The following SLC27A3 variants were observed in gnomAD, a reference collection of about 807,000 sequenced individuals.
SLC27A3 encodes long-chain fatty acid transport protein 3.
Under a neutral mutation model 60.1 loss-of-function variants are expected in SLC27A3, and 60 were observed. That is an observed-to-expected ratio of 1.00 (90% CI 0.81 to 1.24). The LOEUF (loss-of-function observed/expected upper bound fraction) is 1.24. Among genes scored for constraint, SLC27A3 ranks in the 50% most tolerant of loss-of-function variants. The pLI, the probability that SLC27A3 is intolerant of heterozygous loss-of-function variation, is 0.00. For synonymous variants in SLC27A3, 455 were observed against 409.0 expected (o/e 1.11, Z -1.36); for missense variants, 1,079 against 929.9 (o/e 1.16, Z -2.09).
At chr1:153,779,044 C>T (rs1673385823) in intron 7 of SLC27A3, 70 bp from the exon 8 acceptor site, 4 of 1,528,734 alleles carry the variant, frequency 2.6e-6, no homozygotes, top group Non-Finnish European at 2.7e-6. Flanking sequence ...GACCTCTGAC[C>T]TCATCTCCCC....
chr1:153,778,447 G>C lies in SLC27A3; in HGVS notation c.1357-16G>C, dbSNP rs1341798698. ...GTGACTGCAATGATCCAGTACCCAGGTCTCCCTTTCCCCAGCATATCTTCC... is the reference window on the plus strand; with the variant it reads ...GTGACTGCAATGATCCAGTACCCAGCTCTCCCTTTCCCCAGCATATCTTCC... On this transcript the variant is annotated splice_polypyrimidine_tract_variant and intron_variant, in intron 5 of 9. Transcript: ENST00000624995. 6.2e-7 allele frequency: 1 copy of C among 1,613,940 alleles called. No homozygotes were observed. The highest frequency in any genetic ancestry group is 8.5e-7 in the Non-Finnish European group (1 of 1,179,802).
chr1:153,778,356 G>T lies in SLC27A3; in HGVS notation c.1356+1G>T, dbSNP rs765174664. The T allele has an allele frequency of 2.5e-6, 4 of 1,613,814 alleles. No individual in the cohort carries two copies. Among genetic ancestry groups the T allele is most frequent in the Non-Finnish European group, 3.4e-6 (4 of 1,179,884 alleles). On this transcript the variant is annotated splice_donor_variant, in intron 5 of 9. Transcript: ENST00000624995. LOFTEE classifies it high-confidence loss of function. ...GGGGCGTGCTTCCTGGCTTTACAAG[G>T]TGAGGGGCAGAGAGGAAACTGAAAA...
At chr1:153,779,716 C>T in intron 9 of SLC27A3, 110 bp from the exon 10 acceptor site, 1 of 1,122,604 alleles carries the variant, frequency 8.9e-7, no homozygotes, top group Non-Finnish European at 1.3e-6. Flanking sequence ...TAAACCTTGA[C>T]CTCACACTCC....
At position 153,775,642 on chromosome 1, in the gene SLC27A3, C is replaced by T. The variant is rs777978409; in HGVS notation, c.145C>T (p.Arg49Cys). The T allele has an allele frequency of 7.8e-6, 12 of 1,535,236 alleles. No homozygotes were observed. Among genetic ancestry groups the T allele is most frequent in the African/African-American group, 1.4e-5 (1 of 73,358 alleles). ...ALCCKRALRARALAAAAADPE... is the reference protein window; with the variant it reads ...ALCCKRALRACALAAAAADPE... ...GTGCTGCAAAAGGGCTCTTCGAGCT[C>T]GCGCCCTGGCCGCGGCTGCCGCCGA... Residue 49 changes from arginine to cysteine, a missense_variant, in exon 1 of 10, where the codon CGC becomes TGC. Transcript: ENST00000624995.
Position 153,775,596 on chromosome 1 carries a change from G to C in SLC27A3, c.99G>C (p.Leu33Phe). The C allele has an allele frequency of 6.2e-7, 1 of 1,600,680 alleles. No homozygotes were observed. Among genetic ancestry groups the C allele is most frequent in the Non-Finnish European group, 8.5e-7 (1 of 1,176,092 alleles). Residue 33 changes from leucine (L) to phenylalanine (F), a missense_variant, in exon 1 of 10, where the codon TTG (leucine) becomes TTC (phenylalanine). Coordinates refer to ENST00000624995, the MANE Select transcript of SLC27A3 (RefSeq NM_024330.4). ...WPQLRWLPAD[L>F]AFAVRALCCK... is the part of the protein sequence containing the mutation. ...AGTTGCGCTGGCTTCCGGCGGACTT[G>C]GCCTTTGCGGTGCGAGCTCTGTGCT...
rs368152544 is a variant in SLC27A3 at position 153,776,879 on chromosome 1, C to A, written c.877+152C>A. 64 of 924,104 alleles carry A rather than the reference C, an allele frequency of 6.9e-5. No individual in the cohort carries two copies. In the African/African-American group the frequency reaches 8.9e-4, roughly 13 times the overall value. 57.2% of individuals were successfully genotyped at this position (924,104 alleles called of 1,614,324 possible). On this transcript the variant is annotated intron_variant, in intron 2 of 9. Transcript: ENST00000624995. ...CCATCATTTCACTCCCCAGTCTCCT[C>A]ACCTCCTACTCATTTCTCCACCTCC...
Position 153,776,052 on chromosome 1 carries a change from C to T in SLC27A3, c.555C>T (p.Phe185=), listed in dbSNP as rs564955747. 3.4e-5 allele frequency: 50 copies of T among 1,462,530 alleles called. No individual in the cohort carries two copies. The African/African-American group carries it at 5.9e-4, about 17-fold the overall frequency. The allele number at this position is 1,462,530 out of a possible 1,614,324, so 90.6% of individuals were successfully genotyped here. The change falls in exon 1 of 10, where the codon TTC becomes TTT. Residue 185 remains phenylalanine, a synonymous_variant. Transcript: ENST00000624995. ...PAGPEFLWLW[F]GLAKAGLRTA... ...GCCCAGAGTTTCTGTGGCTCTGGTT[C>T]GGGCTGGCCAAGGCCGGCCTGCGCA...
chr1:153,778,236 G>A lies in SLC27A3; in HGVS notation c.1237G>A (p.Val413Met). The change falls in exon 5 of 10, where the codon GTG becomes ATG. Residue 413 changes from valine (V) to methionine (M), a missense_variant. Val to Met is a conservative substitution (Grantham distance 21). Transcript: ENST00000624995. ...GCGCCCAGATACCTGGGAGCGTTTT[G>A]TGCGGCGCTTCGGGCCCCTGCAGGT... ...GLRPDTWERF[V>M]RRFGPLQVLE... 6.2e-7 allele frequency: 1 copy of A among 1,613,966 alleles called. No individual in the cohort carries two copies.
At position 153,776,659 on chromosome 1, in the gene SLC27A3, C is replaced by T. The variant is rs753338879; in HGVS notation, c.809C>T (p.Pro270Leu). Residue 270 changes from proline (P) to leucine (L), a missense_variant, in exon 2 of 10, where the codon CCA (proline) becomes CTA (leucine). Transcript: ENST00000624995. The stretch of plus-strand genomic sequence containing the variant: ...TCCGCTGAAGTGGATGGGCCAGTGC[C>T]AGGATACCTCTCTTCCCCCCAGAGC... ...EVSAEVDGPVPGYLSSPQSIT... is the reference protein window; with the variant it reads ...EVSAEVDGPVLGYLSSPQSIT... The T allele has an allele frequency of 5.6e-6, 9 of 1,614,194 alleles. No homozygotes were observed. The highest frequency in any genetic ancestry group is 7.6e-6 in the Non-Finnish European group (9 of 1,180,032).
chr1:153,777,051 C>T lies in SLC27A3; in HGVS notation c.878-11C>T. The T allele has an allele frequency of 6.2e-7, 1 of 1,613,870 alleles. No individual in the cohort carries two copies. The highest frequency in any genetic ancestry group is 8.5e-7 in the Non-Finnish European group (1 of 1,179,806). On this transcript the variant is annotated splice_polypyrimidine_tract_variant and intron_variant, in intron 2 of 9. Transcript: ENST00000624995. The stretch of plus-strand genomic sequence containing the variant: ...CCTTCCCCTGATCGTCCCATAACTG[C>T]CACCCCACAGGCCTCCCCAAGGCTG...
Position 153,776,163 on chromosome 1 carries a change from A to C in SLC27A3, c.666A>C (p.Pro222=). The C allele has an allele frequency of 7.1e-7, 1 of 1,417,338 alleles. No individual in the cohort carries two copies. The allele number at this position is 1,417,338 out of a possible 1,614,324, so 87.8% of individuals were successfully genotyped here. The stretch of plus-strand genomic sequence containing the variant: ...GCGCGCGCGCGCTGGTGCTGGCGCC[A>C]GGTAAGGCTGGAGCTCCGAACTGAC... ...SCGARALVLA[P]EFLESLEPDL... Residue 222 remains proline (P), a splice_region_variant and synonymous_variant, in exon 1 of 10, where the codon CCA becomes CCC. Coordinates refer to ENST00000624995, the MANE Select transcript of SLC27A3 (RefSeq NM_024330.4).
intron 3 of SLC27A3, 133 bp from the exon 4 acceptor site, chr1:153,777,628 C>A (rs909720260): frequency 1.7e-6 from 2 of 1,164,578 alleles, no homozygotes; most frequent in African/African-American, 3.1e-5. Context: ...GGCTTCCTGA[C>A]GGTGTGACTC....
chr1:153,776,373 T>A, intron 1 of SLC27A3, 145 bp from the exon 2 acceptor site: 2 of 1,315,682 alleles, frequency 1.5e-6, no homozygotes, highest in Non-Finnish European at 2.1e-6. Context: ...AGGAGTCGAG[T>A]TCCAGGCCTC....
rs1482087212 is a variant in SLC27A3, at chr1:153,776,531, C to A, written c.681C>A (p.Ser227=). ...CCACCCTTCTAGAGTTTCTGGAGTC[C>A]CTGGAGCCGGACCTGCCCGCCCTGA... is the stretch of plus-strand genomic sequence containing the variant. ...ALVLAPEFLE[S]LEPDLPALRA... The change falls in exon 2 of 10, where the codon TCC becomes TCA. Residue 227 remains serine, a synonymous_variant. Coordinates refer to ENST00000624995, the MANE Select transcript of SLC27A3 (RefSeq NM_024330.4). The A allele has an allele frequency of 6.2e-7, 1 of 1,613,872 alleles. No homozygotes were observed. Among genetic ancestry groups the A allele is most frequent in the East Asian group, 2.2e-5 (1 of 44,880 alleles).
At position 153,779,981 on chromosome 1, in the gene SLC27A3, G is replaced by T; in HGVS notation, c.2031G>T (p.Leu677=). 6.2e-7 allele frequency: 1 copy of T among 1,613,362 alleles called. No homozygotes were observed. The highest frequency in any genetic ancestry group is 2.2e-5 in the East Asian group (1 of 44,858). The change falls in exon 10 of 10, where the codon CTG becomes CTT. Residue 677 remains leucine, a synonymous_variant. Transcript: ENST00000624995. ...CAACTGCCCGGTACAGCGCCCTCCT[G>T]GCAGGAAACCTTCGAATCTGAGAAC... is the stretch of plus-strand genomic sequence containing the variant. The part of the protein sequence containing the change: ...PLTTARYSAL[L]AGNLRI
chr1:153,777,638 C>G (rs1269417857), intron 3 of SLC27A3, 123 bp from the exon 4 acceptor site: 20 of 1,272,112 alleles, frequency 1.6e-5, no homozygotes, highest in Non-Finnish European at 2.1e-5. Flanking sequence ...CGGTGTGACT[C>G]CCACAGTGGG....
In SLC27A3 at chr1:153,776,132, G is replaced by A; in HGVS notation, c.635G>A (p.Ser212Asn). 1 of 1,440,006 alleles carries A rather than the reference G, an allele frequency of 6.9e-7. No homozygotes were observed. Among genetic ancestry groups the A allele is most frequent in the Non-Finnish European group, 9.0e-7 (1 of 1,109,990 alleles). The allele number at this position is 1,440,006 out of a possible 1,614,324, so 89.2% of individuals were successfully genotyped here. Residue 212 changes from serine (S) to asparagine (N), a missense_variant, in exon 1 of 10, where the codon AGC (serine) becomes AAC (asparagine). Coordinates refer to ENST00000624995, the MANE Select transcript of SLC27A3 (RefSeq NM_024330.4). ...RRGPLLHCLR[S>N]CGARALVLAP... ...GGCCCCCTGCTGCACTGCCTCCGCAGCTGCGGCGCGCGCGCGCTGGTGCTG... is the reference window on the plus strand; with the variant it reads ...GGCCCCCTGCTGCACTGCCTCCGCAACTGCGGCGCGCGCGCGCTGGTGCTG...
chr1:153,778,087 T>C (rs1570900911), intron 4 of SLC27A3, 74 bp from the exon 5 acceptor site: 2 of 1,534,370 alleles, frequency 1.3e-6, no homozygotes, highest in Admixed American at 1.8e-5. Flanking sequence ...TTCTGGGGAA[T>C]GGGGAACAGG....
intron 9 of SLC27A3, 85 bp from the exon 10 acceptor site, chr1:153,779,741 G>A: frequency 7.5e-7 from 1 of 1,331,244 alleles, no homozygotes; most frequent in South Asian, 1.3e-5. Flanking sequence ...CCCAAGACTT[G>A]CTCCTTAACA....
Sources: gnomAD v4.1 joint callset for allele counts on GRCh38, gnomAD v4.1.1 for gene constraint, MANE v1.5 for transcripts, NCBI Gene and HGNC (gene_info 2026-07-23, HGNC 2026-07-21) for gene names.